Variants in LRRN2 observed in about 807,000 individuals in gnomAD.
LRRN2 encodes the protein leucine-rich repeat neuronal protein 2.
LRRN2 carries 10 observed loss-of-function variants against 35.7 expected under a neutral mutation model. The observed-to-expected ratio is 0.28, with a 90% CI of 0.17 to 0.47. The LOEUF is 0.47. LRRN2 is among the 20% of genes least tolerant of loss of function. LRRN2 has a pLI of 0.99. For missense variants in LRRN2, 731 were observed against 940.3 expected, an observed-to-expected ratio of 0.78 and a Z score of 2.91; for synonymous variants, 391 against 409.6, an observed-to-expected ratio of 0.95 and a Z score of 0.55.
intron 1 of LRRN2, among the ~76,000 whole-genome samples, chr1:204,659,155 A>G (rs138322429): frequency 6.6e-4 from 100 of 152,208 alleles, no homozygotes; most frequent in Non-Finnish European, 1.2e-3. Flanking sequence ...ACTGCATTTT[A>G]TGGGGGAAAT....
intron 1 of LRRN2, among the ~76,000 whole-genome samples, chr1:204,638,401 C>T (rs1261701763): frequency 2.9e-5 from 2 of 68,280 alleles, no homozygotes; most frequent in African/African-American, 5.7e-5. Context: ...CCAAGGTCTT[C>T]CTTTTTTTTT....
chr1:204,622,780 A>G (rs980472499), intron 1 of LRRN2, among the ~76,000 whole-genome samples: 1 of 152,114 alleles, frequency 6.6e-6, no homozygotes, highest in African/African-American at 2.4e-5. Flanking sequence ...CTGCTGTGAG[A>G]GAGCAGACCT....
intron 1 of LRRN2, among the ~76,000 whole-genome samples, chr1:204,677,604 G>A (rs1436130725): frequency 1.3e-5 from 2 of 152,206 alleles, no homozygotes; most frequent in African/African-American, 2.4e-5. Flanking sequence ...AGAAGCTGCT[G>A]CAGCCTGGGT....
chr1:204,641,005 GA>G (rs58950375), intron 1 of LRRN2, among the ~76,000 whole-genome samples: 34 of 141,974 alleles, frequency 2.4e-4, no homozygotes, highest in African/African-American at 5.3e-4. Flanking sequence ...GGTTAAAAAA[GA>G]AAAAAAAAAA....
In LRRN2 at chr1:204,633,653, A is replaced by T. The variant is rs138292088; in HGVS notation, c.-226-13435T>A. The stretch of plus-strand genomic sequence containing the variant: ...ATGTGAGAAGTAAGGTACCAAGCCC[A>T]GAACATTCAGTTGGTAAAGCCAGGA... On this transcript the variant is annotated intron_variant, in intron 1 of 1. Transcript: ENST00000367177. Among the ~76,000 whole-genome samples, 243 of 152,338 alleles carry T rather than the reference A, an allele frequency of 1.6e-3. 1 individual carries two copies. Among genetic ancestry groups the T allele is most frequent in the African/African-American group, 5.6e-3 (233 of 41,576 alleles).
At chr1:204,629,983 A>G (rs1047505299) in intron 1 of LRRN2, among the ~76,000 whole-genome samples, 1 of 152,192 alleles carries the variant, frequency 6.6e-6, no homozygotes, top group East Asian at 1.9e-4. Context: ...AAAAACCTAT[A>G]TATCAGGTAT....
intron 1 of LRRN2, among the ~76,000 whole-genome samples, chr1:204,664,982 A>C (rs1343431494): frequency 1.3e-5 from 2 of 152,030 alleles, no homozygotes; most frequent in African/African-American, 4.8e-5. Context: ...AAAGTTCCCC[A>C]TGAGTCCCTA....
At chr1:204,656,403 T>C (rs1183377676) in intron 1 of LRRN2, among the ~76,000 whole-genome samples, 3 of 152,210 alleles carry the variant, frequency 2.0e-5, no homozygotes, top group Non-Finnish European at 4.4e-5. Flanking sequence ...ACTGTTAACA[T>C]TTTGATGCAT....
intron 1 of LRRN2, among the ~76,000 whole-genome samples, chr1:204,631,216 T>C (rs1225417951): frequency 8.2e-6 from 1 of 122,478 alleles, no homozygotes; most frequent in Non-Finnish European, 1.7e-5. Context: ...CAGCTCAGAT[T>C]AGAAGTCTAC....
At chr1:204,638,595 A>G (rs1007093603) in intron 1 of LRRN2, among the ~76,000 whole-genome samples, 1 of 151,878 alleles carries the variant, frequency 6.6e-6, no homozygotes, top group Non-Finnish European at 1.5e-5. Flanking sequence ...TATTTTTAGT[A>G]GAGATGGGGT....
At chr1:204,637,782 C>T (rs1439190063) in intron 1 of LRRN2, among the ~76,000 whole-genome samples, 1 of 151,850 alleles carries the variant, frequency 6.6e-6, no homozygotes, top group East Asian at 1.9e-4. Context: ...TCCTCCACAC[C>T]CTGCTCACCC....
chr1:204,662,321 GA>G, intron 1 of LRRN2, among the ~76,000 whole-genome samples: 1 of 152,308 alleles, frequency 6.6e-6, no homozygotes, highest in Admixed American at 6.5e-5. Context: ...CAGGGAGTGG[GA>G]AAAGGGGCAG....
intron 1 of LRRN2, among the ~76,000 whole-genome samples, chr1:204,652,263 C>CCCCCCCGG (rs1553348479): frequency 2.7e-5 from 2 of 73,422 alleles, no homozygotes; most frequent in East Asian, 5.1e-4. Context: ...CTTCACCGCC[C>CCCCCCCGG]CCCCCCCGCC....
chr1:204,618,831 G>A lies in LRRN2; in HGVS notation c.1162C>T (p.Arg388Cys), dbSNP rs1432984020. The A allele has an allele frequency of 6.2e-7, 1 of 1,614,086 alleles. No homozygotes were observed. The highest frequency in any genetic ancestry group is 8.5e-7 in the Non-Finnish European group (1 of 1,180,020). ...AGGGTGGATTGCGGCTCGATGAAGCGGACACGGGTGCCCGTGGCATTGGCC... is the reference window on the plus strand; with the variant it reads ...AGGGTGGATTGCGGCTCGATGAAGCAGACACGGGTGCCCGTGGCATTGGCC... ...RWANATGTRV[R>C]FIEPQSTLCA... Residue 388 changes from arginine (R) to cysteine (C), a missense_variant, in exon 2 of 2, where the codon CGC becomes TGC. Arg to Cys is a radical substitution (Grantham distance 180). Transcript: ENST00000367177.
intron 1 of LRRN2, among the ~76,000 whole-genome samples, chr1:204,637,645 C>CGTGTGTGTGTGTGTGTGTGT (rs67761829): frequency 1.5e-5 from 2 of 130,022 alleles, no homozygotes; most frequent in African/African-American, 2.9e-5. Flanking sequence ...CAGCACGTGA[C>CGTGTGTGTGTGTGTGTGTGT]GTGTGTGTGT....
At position 204,632,851 on chromosome 1, in the gene LRRN2, G is replaced by A. The variant is rs528174561; in HGVS notation, c.-226-12633C>T. On this transcript the variant is annotated intron_variant, in intron 1 of 1. Transcript: ENST00000367177. ...TGGGAGGCTGAGGCAGGAGAATGGT[G>A]TGAACCCGGGAGGTGGAGCTTGCAG... Among the ~76,000 whole-genome samples the A allele has an allele frequency of 4.0e-5, 6 of 150,478 alleles. No individual in the cohort carries two copies. In the East Asian group the frequency reaches 7.9e-4, roughly 20 times the overall value.
chr1:204,677,652 C>A (rs1334931251), intron 1 of LRRN2, among the ~76,000 whole-genome samples: 1 of 152,162 alleles, frequency 6.6e-6, no homozygotes, highest in Non-Finnish European at 1.5e-5. Context: ...GAGAACATGG[C>A]TCCAGACACC....
intron 1 of LRRN2, among the ~76,000 whole-genome samples, chr1:204,634,351 T>C (rs1040038284): frequency 6.6e-6 from 1 of 152,142 alleles, no homozygotes; most frequent in Non-Finnish European, 1.5e-5. Context: ...AAACAGCATG[T>C]TGTAAAAGGC....
chr1:204,685,263 C>G (rs1387840226), intron 1 of LRRN2, 57 bp downstream of exon 1: 3 of 152,286 alleles, frequency 2.0e-5, no homozygotes, highest in Non-Finnish European at 2.9e-5. Flanking sequence ...CCTCGGTGTC[C>G]ACGATTCCCC....
Sources: gnomAD v4.1 joint callset for allele counts (sites outside exome capture counted in the v4.1 genomes callset) on GRCh38, gnomAD v4.1.1 for gene constraint, MANE v1.5 for transcripts, NCBI Gene and HGNC (gene_info 2026-07-23, HGNC 2026-07-21) for gene names.